ADAM12: variants seen among roughly 807,000 people sequenced by gnomAD.
ADAM12 encodes the protein disintegrin and metalloproteinase domain-containing protein 12.
In ADAM12, 70 loss-of-function variants were observed where a neutral mutation model predicts 106.4. The ratio of observed to expected loss-of-function variants is 0.66; its 90% CI spans 0.54 to 0.80. ADAM12 has a LOEUF of 0.80. Ranked by LOEUF, ADAM12 falls within the 30% of genes least tolerant of loss-of-function variation. ADAM12 has a pLI of 0.00. For synonymous variants in ADAM12, 420 were observed against 433.5 expected (o/e 0.97, Z 0.39); for missense variants, 1,010 against 1,171.9 (o/e 0.86, Z 2.02).
intron 3 of ADAM12, among the ~76,000 whole-genome samples, chr10:126,180,817 C>T (rs1262101244): frequency 2.0e-5 from 3 of 152,112 alleles, no homozygotes; most frequent in Non-Finnish European, 2.9e-5. Context: ...CACTTCCCAC[C>T]GTGGCACTGT....
At position 126,305,753 on chromosome 10, in the gene ADAM12, T is replaced by C. The variant is rs371103272; in HGVS notation, c.186+24659A>G. ...AAAATCCTAAAGCAAGTGTTTCAGATTGAAGGAAAATGATACTGAGTAGAA... is the reference window on the plus strand; with the variant it reads ...AAAATCCTAAAGCAAGTGTTTCAGACTGAAGGAAAATGATACTGAGTAGAA... On this transcript the variant is annotated intron_variant, in intron 2 of 22. Coordinates refer to ENST00000448723, the MANE Select transcript of ADAM12 (RefSeq NM_001288973.2). 2.0e-5 allele frequency among the ~76,000 whole-genome samples: 3 copies of C among 152,176 alleles called. No individual in the cohort carries two copies. The South Asian group carries it at 6.2e-4, about 32-fold the overall frequency.
intron 2 of ADAM12, among the ~76,000 whole-genome samples, chr10:126,280,050 A>T (rs1352973325): frequency 6.6e-6 from 1 of 152,206 alleles, no homozygotes; most frequent in Non-Finnish European, 1.5e-5. Flanking sequence ...AGCTCGAAAG[A>T]TCTTTTCACA....
At chr10:126,026,645 C>T (rs567262052) in intron 21 of ADAM12, among the ~76,000 whole-genome samples, 1 of 152,056 alleles carries the variant, frequency 6.6e-6, no homozygotes, top group Non-Finnish European at 1.5e-5. Context: ...CTCCATGGAA[C>T]CTGAACAACC....
At chr10:126,371,602 A>C (rs1856116153) in intron 1 of ADAM12, among the ~76,000 whole-genome samples, 2 of 152,236 alleles carry the variant, frequency 1.3e-5, no homozygotes, top group Non-Finnish European at 2.9e-5. Flanking sequence ...GTTTAGAGCC[A>C]CAAGGATGTA....
chr10:126,354,953 T>C (rs1006681775), intron 1 of ADAM12, among the ~76,000 whole-genome samples: 3 of 152,200 alleles, frequency 2.0e-5, no homozygotes, highest in Non-Finnish European at 4.4e-5. Context: ...TTGGAATTCA[T>C]AGTTCACAGA....
At chr10:126,055,936 G>C (rs1447332856) in intron 14 of ADAM12, among the ~76,000 whole-genome samples, 1 of 152,228 alleles carries the variant, frequency 6.6e-6, no homozygotes, top group Non-Finnish European at 1.5e-5. Context: ...GCAGGCAGCA[G>C]ATATTTGTAT....
chr10:126,188,344 T>G lies in ADAM12; in HGVS notation c.261-33039A>C, dbSNP rs1233746729. ...TGCTCTAATTCTTTGGCCACATCAC[T>G]GTTGAAAAAGCCTTCAAGACTCAGT... is the stretch of plus-strand genomic sequence containing the variant. On this transcript the variant is annotated intron_variant, in intron 3 of 22. Transcript: ENST00000448723. 5.8e-4 allele frequency among the ~76,000 whole-genome samples: 88 copies of G among 152,328 alleles called. 1 individual carries two copies. Among genetic ancestry groups the G allele is most frequent in the Non-Finnish European group, 4.4e-5 (3 of 68,026 alleles).
intron 1 of ADAM12, among the ~76,000 whole-genome samples, chr10:126,340,582 T>C (rs1400014330): frequency 6.6e-6 from 1 of 152,194 alleles, no homozygotes; most frequent in Non-Finnish European, 1.5e-5. Context: ...TAGGAAAACT[T>C]GGAGTATGAT....
At chr10:126,217,920 A>G (rs1179271977) in intron 3 of ADAM12, among the ~76,000 whole-genome samples, 1 of 151,534 alleles carries the variant, frequency 6.6e-6, no homozygotes, top group Non-Finnish European at 1.5e-5. Context: ...GGTTGTAGTG[A>G]GCCAAGATCA....
chr10:126,035,305 C>CCAAGATTTACCTCTCTAGAACTTT (rs1305043663), intron 21 of ADAM12, among the ~76,000 whole-genome samples: 3 of 151,912 alleles, frequency 2.0e-5, no homozygotes, highest in African/African-American at 7.3e-5. Flanking sequence ...TAAAGAGGTC[C>CCAAGATTTACCTCTCTAGAACTTT]CAAGATTTAC....
intron 1 of ADAM12, among the ~76,000 whole-genome samples, chr10:126,375,076 C>G (rs1231871374): frequency 3.3e-5 from 5 of 151,980 alleles, no homozygotes; most frequent in Non-Finnish European, 1.5e-5. Flanking sequence ...AGAAAAAAAT[C>G]GCCAACCTCT....
At chr10:126,019,196 G>T (rs765825282) in intron 22 of ADAM12, among the ~76,000 whole-genome samples, 2 of 152,034 alleles carry the variant, frequency 1.3e-5, no homozygotes, top group African/African-American at 4.8e-5. Flanking sequence ...TCCCCCTTCC[G>T]CCATGATTGT....
At chr10:126,212,179 G>A (rs1327708338) in intron 3 of ADAM12, among the ~76,000 whole-genome samples, 1 of 152,118 alleles carries the variant, frequency 6.6e-6, no homozygotes, top group Non-Finnish European at 1.5e-5. Flanking sequence ...TTCCAAATGA[G>A]GATTTTCTCC....
chr10:126,085,269 G>A (rs1278353), intron 11 of ADAM12, among the ~76,000 whole-genome samples: 106,876 of 152,092 alleles, frequency 0.7, 38,070 homozygotes, highest in East Asian at 0.82. Context: ...GTGTATCATT[G>A]CAAACTATTG....
chr10:126,095,035 C>A (rs1392775226), intron 10 of ADAM12, among the ~76,000 whole-genome samples: 3 of 152,080 alleles, frequency 2.0e-5, no homozygotes, highest in East Asian at 3.9e-4. Context: ...TGCCTATATA[C>A]AACATTTCTG....
chr10:126,379,214 T>C (rs1021847511), intron 1 of ADAM12, among the ~76,000 whole-genome samples: 1 of 152,186 alleles, frequency 6.6e-6, no homozygotes, highest in Non-Finnish European at 1.5e-5. Context: ...GGATTATAAA[T>C]CATTCCACTA....
chr10:126,311,094 T>TACACACAC (rs67514376), intron 2 of ADAM12, among the ~76,000 whole-genome samples: 10,994 of 138,394 alleles, frequency 0.079, 547 homozygotes, highest in Non-Finnish European at 0.11. Context: ...TACACACAAA[T>TACACACAC]ACACACACAC....
intron 21 of ADAM12, among the ~76,000 whole-genome samples, chr10:126,024,274 T>C (rs1953826756): frequency 6.6e-6 from 1 of 152,232 alleles, no homozygotes; most frequent in Non-Finnish European, 1.5e-5. Flanking sequence ...TGTAGTGACT[T>C]TAATGTTTCA....
At chr10:126,134,136 C>T (rs569499996) in intron 5 of ADAM12, among the ~76,000 whole-genome samples, 1 of 152,294 alleles carries the variant, frequency 6.6e-6, no homozygotes, top group South Asian at 2.1e-4. Flanking sequence ...AAATTCAAAC[C>T]ACAAGGCACC....
Sources: gnomAD v4.1 joint callset for allele counts (sites outside exome capture counted in the v4.1 genomes callset) on GRCh38, gnomAD v4.1.1 for gene constraint, MANE v1.5 for transcripts, NCBI Gene and HGNC (gene_info 2026-07-23, HGNC 2026-07-21) for gene names.